Variants in FBXO11 observed in about 807,000 individuals in gnomAD.
FBXO11 encodes the protein F-box only protein 11.
In FBXO11, 13 loss-of-function variants were observed where a neutral mutation model predicts 117.0. The ratio of observed to expected loss-of-function variants is 0.11; its 90% CI spans 0.07 to 0.18. FBXO11 has a LOEUF of 0.18. FBXO11 is among the 10% of genes least tolerant of loss of function. FBXO11 has a pLI of 1.00. For missense variants in FBXO11, 767 were observed against 1,164.4 expected, an observed-to-expected ratio of 0.66 and a Z score of 4.97; for synonymous variants, 490 against 380.5, an observed-to-expected ratio of 1.29 and a Z score of -3.35.
chr2:47,867,780 T>G (rs887610331), intron 1 of FBXO11, among the ~76,000 whole-genome samples: 1 of 152,086 alleles, frequency 6.6e-6, no homozygotes, highest in African/African-American at 2.4e-5. Flanking sequence ...TAGACATGGA[T>G]ACATACATAC....
At chr2:47,879,922 C>T (rs1676311722) in intron 1 of FBXO11, among the ~76,000 whole-genome samples, 1 of 152,056 alleles carries the variant, frequency 6.6e-6, no homozygotes, top group Non-Finnish European at 1.5e-5. Context: ...GGTTGTATCA[C>T]ACAACAAAAT....
intron 1 of FBXO11, among the ~76,000 whole-genome samples, chr2:47,868,596 G>A (rs757432498): frequency 6.6e-6 from 1 of 152,066 alleles, no homozygotes; most frequent in African/African-American, 2.4e-5. Flanking sequence ...CCATATTTTT[G>A]TTTTAAAATT....
chr2:47,903,352 GCAA>G (rs1244295924), intron 1 of FBXO11, among the ~76,000 whole-genome samples: 1 of 152,168 alleles, frequency 6.6e-6, no homozygotes. Flanking sequence ...CTGCAGAGAA[GCAA>G]CAATTCTACA....
intron 4 of FBXO11, chr2:47,837,095 C>A: frequency 5.0e-6 from 1 of 199,016 alleles, no homozygotes; most frequent in Non-Finnish European, 1.1e-5. Context: ...TATCTTCAGT[C>A]CATTTATATC....
intron 20 of FBXO11, 147 bp from the exon 21 acceptor site, chr2:47,809,413 TAAG>T (rs1292764572): frequency 2.9e-6 from 2 of 687,570 alleles, no homozygotes; most frequent in Non-Finnish European, 4.8e-6. Flanking sequence ...AGAAATCAGC[TAAG>T]AATAGAATTT....
At chr2:47,844,038 G>C (rs1673217349) in intron 1 of FBXO11, among the ~76,000 whole-genome samples, 1 of 152,140 alleles carries the variant, frequency 6.6e-6, no homozygotes, top group African/African-American at 2.4e-5. Context: ...ACTGTGCCTG[G>C]CCTAGATTTG....
chr2:47,864,311 G>A (rs578183480), intron 1 of FBXO11, among the ~76,000 whole-genome samples: 24 of 152,340 alleles, frequency 1.6e-4, no homozygotes, highest in African/African-American at 5.8e-4. Flanking sequence ...GAATTGGCTG[G>A]GCGTGGTGGC....
At chr2:47,836,046 TAGATTA>T (rs1558427203) in intron 4 of FBXO11, 45 bp from the exon 5 acceptor site, 1 of 1,436,986 alleles carries the variant, frequency 7.0e-7, no homozygotes, top group Non-Finnish European at 9.5e-7. Context: ...AAATGTCCTT[TAGATTA>T]ATACAGTTTT....
At chr2:47,895,137 G>A (rs534329301) in intron 1 of FBXO11, among the ~76,000 whole-genome samples, 8 of 152,114 alleles carry the variant, frequency 5.3e-5, no homozygotes, top group Admixed American at 2.6e-4. Flanking sequence ...AAACTCACAC[G>A]GAATGTGGCA....
intron 1 of FBXO11, among the ~76,000 whole-genome samples, chr2:47,858,220 G>C (rs1674465191): frequency 6.6e-6 from 1 of 151,780 alleles, no homozygotes; most frequent in African/African-American, 2.4e-5. Flanking sequence ...ATGTTGGCCA[G>C]GCTGGTCTTG....
intron 18 of FBXO11, 171 bp downstream of exon 18, chr2:47,813,063 C>T (rs1670736068): frequency 1.5e-6 from 1 of 687,300 alleles, no homozygotes; most frequent in Admixed American, 2.4e-5. Context: ...GTATTGTAAA[C>T]ATTTGTCTCT....
At chr2:47,838,408 A>G (rs1395512261) in intron 4 of FBXO11, among the ~76,000 whole-genome samples, 1 of 147,556 alleles carries the variant, frequency 6.8e-6, no homozygotes, top group Admixed American at 6.6e-5. Flanking sequence ...ACATAAAGCA[A>G]AAAAAACTTT....
rs2537742 is a variant in FBXO11, at chr2:47,811,905, T to C, written c.2227+1329A>G. 0.21 allele frequency among the ~76,000 whole-genome samples: 31,265 copies of C among 152,098 alleles called. 3,554 individuals are homozygous for C. Among genetic ancestry groups the C allele is most frequent in the Non-Finnish European group, 0.25 (17,048 of 67,950 alleles). On this transcript the variant is annotated intron_variant, in intron 18 of 22. Coordinates refer to ENST00000403359, the MANE Select transcript of FBXO11 (RefSeq NM_001190274.2). The stretch of plus-strand genomic sequence containing the variant: ...TACAGGTGTGAGCCACTGTGCCCAG[T>C]TGGTTCTGTCCTTTTAAGTATCATT...
intron 1 of FBXO11, among the ~76,000 whole-genome samples, chr2:47,840,675 G>C (rs1049821858): frequency 4.6e-5 from 7 of 151,538 alleles, no homozygotes; most frequent in African/African-American, 1.7e-4. Context: ...GCTGGTCTCA[G>C]ACTCCTGGGT....
intron 1 of FBXO11, 108 bp downstream of exon 1, chr2:47,905,381 C>T (rs1257283018): frequency 2.8e-6 from 3 of 1,056,470 alleles, no homozygotes; most frequent in Non-Finnish European, 3.5e-6. Context: ...GGGTCTCCCA[C>T]CCCCAGGGCG....
chr2:47,896,975 T>C (rs901919827), intron 1 of FBXO11, among the ~76,000 whole-genome samples: 3 of 152,246 alleles, frequency 2.0e-5, no homozygotes, highest in African/African-American at 7.2e-5. Flanking sequence ...CTCCTACTTT[T>C]CATTTGTTAA....
intron 4 of FBXO11, chr2:47,837,034 A>T (rs1305838177): frequency 4.2e-6 from 1 of 240,936 alleles, no homozygotes; most frequent in Non-Finnish European, 8.5e-6. Flanking sequence ...CACTTCGCCT[A>T]GCCTAAAAAG....
chr2:47,896,253 TC>T (rs1201553626), intron 1 of FBXO11, among the ~76,000 whole-genome samples: 2 of 151,722 alleles, frequency 1.3e-5, no homozygotes, highest in Non-Finnish European at 2.9e-5. Context: ...TCCTTTACTC[TC>T]CCCCTCCCCC....
intron 1 of FBXO11, among the ~76,000 whole-genome samples, chr2:47,892,679 G>C (rs1282115814): frequency 6.6e-6 from 1 of 152,164 alleles, no homozygotes; most frequent in Non-Finnish European, 1.5e-5. Flanking sequence ...TGCAATTGAG[G>C]TGCTTAAATT....
Sources: allele counts gnomAD v4.1 joint callset (sites outside exome capture counted in the v4.1 genomes callset), GRCh38; gene constraint gnomAD v4.1.1; transcripts MANE v1.5; gene names NCBI Gene and HGNC (gene_info 2026-07-23, HGNC 2026-07-21).